The following DENND1A variants were observed in gnomAD, a reference collection of about 807,000 sequenced individuals.
The protein encoded by DENND1A is DENN domain containing 1A.
A neutral mutation model predicts 113.7 loss-of-function variants in DENND1A; 51 were observed. The observed-to-expected ratio is 0.45, with a 90% CI of 0.36 to 0.57. DENND1A has a LOEUF of 0.57. Among genes scored for constraint, DENND1A ranks in the 20% least tolerant of loss-of-function variants. DENND1A has a pLI of 0.00. For missense variants in DENND1A, 1,258 were observed against 1,395.9 expected (o/e 0.90, Z 1.57); for synonymous variants, 565 against 570.8 (o/e 0.99, Z 0.14).
intron 3 of DENND1A, among the ~76,000 whole-genome samples, chr9:123,783,044 AC>A (rs1452814162): frequency 6.6e-6 from 1 of 152,218 alleles, no homozygotes; most frequent in Non-Finnish European, 1.5e-5. Flanking sequence ...CCGCAGTAAT[AC>A]AAAATACTAC....
At chr9:123,466,232 C>A (rs1021419068) in intron 13 of DENND1A, among the ~76,000 whole-genome samples, 1 of 152,050 alleles carries the variant, frequency 6.6e-6, no homozygotes, top group Non-Finnish European at 1.5e-5. Flanking sequence ...CTCCTAACCT[C>A]ATGATCCTCT....
intron 1 of DENND1A, among the ~76,000 whole-genome samples, chr9:123,916,747 G>A (rs1205928125): frequency 4.6e-5 from 7 of 152,126 alleles, no homozygotes; most frequent in African/African-American, 1.2e-4. Context: ...GAAGGAACAC[G>A]GTGGTAGGCA....
intron 21 of DENND1A, among the ~76,000 whole-genome samples, chr9:123,398,261 T>G (rs1180397463): frequency 6.6e-6 from 1 of 152,228 alleles, no homozygotes; most frequent in Admixed American, 6.5e-5. Flanking sequence ...CACCCCGGGA[T>G]CAGTGTGTCA....
At chr9:123,885,447 G>C (rs190632290) in intron 1 of DENND1A, among the ~76,000 whole-genome samples, 5 of 152,142 alleles carry the variant, frequency 3.3e-5, no homozygotes, top group African/African-American at 1.2e-4. Context: ...CATCTGACAC[G>C]TTTCCAGCTC....
chr9:123,431,240 G>GC (rs1312369333), intron 19 of DENND1A, among the ~76,000 whole-genome samples: 1 of 152,136 alleles, frequency 6.6e-6, no homozygotes, highest in Non-Finnish European at 1.5e-5. Context: ...CACATGCTCA[G>GC]TTTTTACCCT....
intron 13 of DENND1A, among the ~76,000 whole-genome samples, chr9:123,484,740 C>T (rs536434609): frequency 8.5e-5 from 13 of 152,302 alleles, no homozygotes; most frequent in Non-Finnish European, 1.5e-4. Flanking sequence ...AGTCCTGTTT[C>T]CTCCTAACCT....
intron 2 of DENND1A, among the ~76,000 whole-genome samples, chr9:123,815,125 G>A (rs1402458753): frequency 6.6e-6 from 1 of 152,210 alleles, no homozygotes; most frequent in East Asian, 1.9e-4. Flanking sequence ...CAAACTGTGG[G>A]TGGAAATAAA....
At chr9:123,557,020 T>C (rs547384415) in intron 13 of DENND1A, among the ~76,000 whole-genome samples, 9 of 152,258 alleles carry the variant, frequency 5.9e-5, no homozygotes, top group South Asian at 4.1e-4. Flanking sequence ...CCGGTCTTCA[T>C]TGTGGTCACT....
intron 2 of DENND1A, among the ~76,000 whole-genome samples, chr9:123,850,071 G>A (rs1313259192): frequency 6.6e-6 from 1 of 152,212 alleles, no homozygotes; most frequent in Non-Finnish European, 1.5e-5. Context: ...TGACAAGAAA[G>A]CATTTATAAT....
At chr9:123,602,848 T>C (rs2059992920) in intron 11 of DENND1A, among the ~76,000 whole-genome samples, 1 of 152,204 alleles carries the variant, frequency 6.6e-6, no homozygotes, top group South Asian at 2.1e-4. Context: ...TTTGTTGTTG[T>C]TGTTGTTTTT....
chr9:123,859,829 A>G (rs1513357), intron 2 of DENND1A, among the ~76,000 whole-genome samples: 5,468 of 152,294 alleles, frequency 0.036, 102 homozygotes, highest in Middle Eastern at 0.048. Context: ...TGGGAAATGC[A>G]TATTTAAAAG....
At chr9:123,853,474 G>A (rs1843682668) in intron 2 of DENND1A, among the ~76,000 whole-genome samples, 1 of 151,444 alleles carries the variant, frequency 6.6e-6, no homozygotes, top group Non-Finnish European at 1.5e-5. Context: ...GACCAGCCTG[G>A]CCAACCTGGT....
At chr9:123,591,619 C>CA (rs2059459393) in intron 11 of DENND1A, among the ~76,000 whole-genome samples, 1 of 152,196 alleles carries the variant, frequency 6.6e-6, no homozygotes. Context: ...GGACCATCTC[C>CA]AGGGCAGAGC....
chr9:123,449,682 T>C (rs896877668), intron 18 of DENND1A, among the ~76,000 whole-genome samples: 1 of 152,186 alleles, frequency 6.6e-6, no homozygotes, highest in Non-Finnish European at 1.5e-5. Context: ...AATGAATCAA[T>C]GGCACTTGCA....
At position 123,878,911 on chromosome 9, in the gene DENND1A, A is replaced by G. The variant is rs555589427; in HGVS notation, c.88+40T>C. 252 of 1,602,630 alleles carry G rather than the reference A, an allele frequency of 1.6e-4. 2 individuals carry two copies. The South Asian group carries it at 2.2e-3, about 14-fold the overall frequency. ...CTCACGTGCATAGCTATCTCAAACA[A>G]TAAGTAACACACCATATCATAATCA... On this transcript the variant is annotated intron_variant, in intron 2 of 23. Transcript: ENST00000394215.
At chr9:123,904,208 A>C (rs1852314713) in intron 1 of DENND1A, among the ~76,000 whole-genome samples, 2 of 152,052 alleles carry the variant, frequency 1.3e-5, no homozygotes, top group Non-Finnish European at 2.9e-5. Context: ...CACACCAAAA[A>C]CCCATCTGTA....
At chr9:123,859,616 C>T (rs1006904182) in intron 2 of DENND1A, among the ~76,000 whole-genome samples, 1 of 151,866 alleles carries the variant, frequency 6.6e-6, no homozygotes, top group Non-Finnish European at 1.5e-5. Context: ...AAAACATTGC[C>T]CATTCTGCAT....
intron 5 of DENND1A, 129 bp downstream of exon 5, chr9:123,757,574 A>G (rs2070676676): frequency 6.7e-6 from 9 of 1,336,814 alleles, no homozygotes; most frequent in South Asian, 5.7e-5. Flanking sequence ...CTTCTCCCCA[A>G]ATGCAGTGAC....
chr9:123,555,851 C>T (rs1461356443), intron 13 of DENND1A, among the ~76,000 whole-genome samples: 1 of 152,178 alleles, frequency 6.6e-6, no homozygotes, highest in Non-Finnish European at 1.5e-5. Flanking sequence ...ACTTCAGCTG[C>T]CTTTGGATTC....
Sources: allele counts gnomAD v4.1 joint callset (sites outside exome capture counted in the v4.1 genomes callset), GRCh38; gene constraint gnomAD v4.1.1; transcripts MANE v1.5; gene names NCBI Gene and HGNC (gene_info 2026-07-23, HGNC 2026-07-21).